LOC128092252: variants seen among roughly 807,000 people sequenced by gnomAD.
the LOC128092252 span, among the ~76,000 whole-genome samples, chr15:50,666,394 T>C: frequency 5.3e-5 from 8 of 151,850 alleles, no homozygotes; most frequent in African/African-American, 2.4e-5. Flanking sequence ...CGAGCTGTGA[T>C]CATGCCACCG....
the LOC128092252 span, among the ~76,000 whole-genome samples, chr15:50,653,916 GT>G: frequency 2.0e-4 from 30 of 152,160 alleles, no homozygotes; most frequent in African/African-American, 6.7e-4. Flanking sequence ...TTAGTTCAGC[GT>G]GAAAAGACAT....
At chr15:50,678,239 C>CAAAAAAAAAAAAAAAAAAAA in the LOC128092252 span, among the ~76,000 whole-genome samples, 3 of 92,094 alleles carry the variant, frequency 3.3e-5, no homozygotes, top group South Asian at 4.0e-4. Flanking sequence ...GACTCTCTCT[C>CAAAAAAAAAAAAAAAAAAAA]AAAAAAAAAA....
the LOC128092252 span, among the ~76,000 whole-genome samples, chr15:50,682,173 C>CAAAAAAAAAAAAAAAAAAA: frequency 6.8e-4 from 43 of 63,660 alleles, 3 homozygotes; most frequent in Non-Finnish European, 1.0e-3. Context: ...AACTCAGTCT[C>CAAAAAAAAAAAAAAAAAAA]AAAAAAAAAA....
At chr15:50,650,410 A>C in the LOC128092252 span, among the ~76,000 whole-genome samples, 15 of 151,906 alleles carry the variant, frequency 9.9e-5, no homozygotes, top group Admixed American at 6.6e-5. Flanking sequence ...TTAGACCTAG[A>C]CAGACCAGGC....
At chr15:50,658,197 G>C in the LOC128092252 span, among the ~76,000 whole-genome samples, 1 of 151,704 alleles carries the variant, frequency 6.6e-6, no homozygotes, top group Admixed American at 6.6e-5. Context: ...ACTAGAGATG[G>C]GATTTCACTG....
chr15:50,662,653 A>C, the LOC128092252 span, among the ~76,000 whole-genome samples: 1 of 152,020 alleles, frequency 6.6e-6, no homozygotes, highest in African/African-American at 2.4e-5. Flanking sequence ...CAGTGAATCC[A>C]TTAAAAAATA....
chr15:50,662,859 G>C, the LOC128092252 span: 1 of 806,976 alleles, frequency 1.2e-6, no homozygotes, highest in Non-Finnish European at 2.0e-6. Flanking sequence ...AAAAGTAACA[G>C]TAAGTACAAA....
chr15:50,682,004 C>G, the LOC128092252 span, among the ~76,000 whole-genome samples: 20,763 of 151,538 alleles, frequency 0.14, 1,453 homozygotes, highest in Middle Eastern at 0.2. Context: ...ATGGGGAAAC[C>G]CTGTCTCTAC....
the LOC128092252 span, among the ~76,000 whole-genome samples, chr15:50,679,525 T>TTATATATATGTGTATATATATA: frequency 4.9e-4 from 24 of 48,864 alleles, no homozygotes; most frequent in African/African-American, 2.0e-3. Context: ...TATATATATA[T>TTATATATATGTGTATATATATA]ATATATATAT....
the LOC128092252 span, among the ~76,000 whole-genome samples, chr15:50,655,451 A>C: frequency 6.9e-6 from 1 of 144,378 alleles, no homozygotes; most frequent in African/African-American, 2.5e-5. Flanking sequence ...AAAAAAACAA[A>C]AAAACAAAAA....
chr15:50,654,114 T>A, the LOC128092252 span, among the ~76,000 whole-genome samples: 6 of 152,074 alleles, frequency 3.9e-5, no homozygotes, highest in African/African-American at 1.4e-4. Context: ...AACTGAACAC[T>A]CCTTACAGGA....
At chr15:50,684,207 C>A in the LOC128092252 span, among the ~76,000 whole-genome samples, 2 of 150,578 alleles carry the variant, frequency 1.3e-5, no homozygotes, top group African/African-American at 4.9e-5. Context: ...GGCTGTAGTG[C>A]AGTGGCAGGA....
the LOC128092252 span, among the ~76,000 whole-genome samples, chr15:50,660,716 C>T: frequency 3.3e-5 from 5 of 152,196 alleles, no homozygotes; most frequent in Non-Finnish European, 7.3e-5. Flanking sequence ...AATGTTACTC[C>T]AGTCATTACT....
chr15:50,662,381 T>G, the LOC128092252 span, among the ~76,000 whole-genome samples: 12 of 151,804 alleles, frequency 7.9e-5, no homozygotes, highest in Non-Finnish European at 1.5e-4. Flanking sequence ...TAAGTAAATA[T>G]TTCATGAGCT....
At chr15:50,653,202 G>C in the LOC128092252 span, among the ~76,000 whole-genome samples, 1 of 152,136 alleles carries the variant, frequency 6.6e-6, no homozygotes, top group African/African-American at 2.4e-5. Context: ...TGCAATCCCA[G>C]CTCTTAAGGA....
chr15:50,685,556 T>C, the LOC128092252 span, among the ~76,000 whole-genome samples: 1 of 152,358 alleles, frequency 6.6e-6, no homozygotes, highest in South Asian at 2.1e-4. Context: ...ACTCTTATTT[T>C]AGTTTTGTAT....
At chr15:50,671,113 T>C in the LOC128092252 span, among the ~76,000 whole-genome samples, 1 of 152,196 alleles carries the variant, frequency 6.6e-6, no homozygotes, top group African/African-American at 2.4e-5. Context: ...TACATTGTTA[T>C]TTAGCGTAGT....
At chr15:50,649,779 T>C in the LOC128092252 span, among the ~76,000 whole-genome samples, 1 of 151,932 alleles carries the variant, frequency 6.6e-6, no homozygotes, top group African/African-American at 2.4e-5. Context: ...ATCTTAAAAA[T>C]CAGATGAGAG....
chr15:50,674,187 C>T, the LOC128092252 span, among the ~76,000 whole-genome samples: 19 of 152,176 alleles, frequency 1.2e-4, no homozygotes, highest in African/African-American at 4.6e-4. Context: ...TGGGGTTTCA[C>T]CATGTTGACC....
Sources: gnomAD v4.1 joint callset for allele counts (sites outside exome capture counted in the v4.1 genomes callset) on GRCh38, gnomAD v4.1.1 for gene constraint, MANE v1.5 for transcripts.